Variants in HTRA1 observed in about 807,000 individuals in gnomAD.
HTRA1 encodes the protein HtrA serine peptidase 1, also known as serine protease HTRA1.
In HTRA1, 26 loss-of-function variants were observed where a neutral mutation model predicts 49.7. That is an observed-to-expected ratio of 0.52 (90% CI 0.38 to 0.73). HTRA1 has a LOEUF of 0.73. Ranked by LOEUF, HTRA1 falls within the 30% of genes least tolerant of loss-of-function variation. HTRA1 has a pLI of 0.00. For missense variants in HTRA1, 561 were observed against 667.2 expected (o/e 0.84, Z 1.75); for synonymous variants, 291 against 286.9 (o/e 1.01, Z -0.14).
chr10:122,476,494 G>C (rs755902238), intron 1 of HTRA1, among the ~76,000 whole-genome samples: 1 of 152,250 alleles, frequency 6.6e-6, no homozygotes, highest in African/African-American at 2.4e-5. Flanking sequence ...GTCCAGAGGG[G>C]TGGAGCCCAC....
intron 1 of HTRA1, among the ~76,000 whole-genome samples, chr10:122,488,501 G>T (rs2133438006): frequency 6.6e-6 from 1 of 152,286 alleles, no homozygotes; most frequent in Admixed American, 6.5e-5. Flanking sequence ...GGTGGAGGTT[G>T]TGATGAGCCA....
chr10:122,514,137 C>G, intron 8 of HTRA1, 54 bp from the exon 9 acceptor site: 1 of 1,557,238 alleles, frequency 6.4e-7, no homozygotes, highest in Non-Finnish European at 8.9e-7. Flanking sequence ...TAAAGTCAGA[C>G]CAGGAGGAAT....
rs1417963872 is a variant in HTRA1 at position 122,507,350 on chromosome 10, T to A, written c.973-20T>A. The stretch of plus-strand genomic sequence containing the variant: ...TGTTATGACACGATTTGTAACCTTT[T>A]CATTTCTGTTTAATTGCAGTATGGA... On this transcript the variant is annotated intron_variant, in intron 4 of 8. Coordinates refer to ENST00000368984, the MANE Select transcript of HTRA1 (RefSeq NM_002775.5). 6 of 1,607,474 alleles carry A rather than the reference T, an allele frequency of 3.7e-6. No homozygotes were observed. Among genetic ancestry groups the A allele is most frequent in the Non-Finnish European group, 5.1e-6 (6 of 1,173,878 alleles).
chr10:122,479,067 T>C (rs1172172241), intron 1 of HTRA1, among the ~76,000 whole-genome samples: 1 of 152,254 alleles, frequency 6.6e-6, no homozygotes, highest in African/African-American at 2.4e-5. Context: ...CTGTTTCCTG[T>C]GAATAAAGGA....
At chr10:122,476,704 G>C (rs1015165939) in intron 1 of HTRA1, among the ~76,000 whole-genome samples, 12 of 132,142 alleles carry the variant, frequency 9.1e-5, no homozygotes, top group Non-Finnish European at 1.4e-4. Context: ...AAATGCAGGT[G>C]GGGGGGCCTT....
chr10:122,493,778 C>T (rs760631009), intron 3 of HTRA1, among the ~76,000 whole-genome samples: 5 of 152,084 alleles, frequency 3.3e-5, no homozygotes, highest in Non-Finnish European at 7.4e-5. Context: ...AACTCCTTAC[C>T]AGGACCTTGA....
intron 1 of HTRA1, among the ~76,000 whole-genome samples, chr10:122,484,481 G>A (rs2097492290): frequency 6.6e-6 from 1 of 152,206 alleles, no homozygotes; most frequent in South Asian, 2.1e-4. Flanking sequence ...AGGTGGCTGA[G>A]TGGGTCTCCA....
chr10:122,463,528 G>A (rs2097482509), intron 1 of HTRA1, among the ~76,000 whole-genome samples: 2 of 152,010 alleles, frequency 1.3e-5, no homozygotes, highest in African/African-American at 2.4e-5. Context: ...TAAGAGACAG[G>A]GTCTCCCTCT....
At position 122,461,831 on chromosome 10, in the gene HTRA1, A is replaced by T; in HGVS notation, c.179A>T (p.Asp60Val). Residue 60 changes from aspartate (D) to valine (V), a missense_variant, in exon 1 of 9, where the codon GAC becomes GTC. Physicochemically the swap from Asp to Val is radical, Grantham distance 152 (BLOSUM62 -3). Around this residue, in one of 3 missense-constraint regions of HTRA1, gnomAD observed 111 missense variants for 83.7 expected, o/e 1.33. Transcript: ENST00000368984. ...PEHCEGGRARDACGCCEVCGA... is the reference protein window; with the variant it reads ...PEHCEGGRARVACGCCEVCGA... Reference sequence around the variant, plus strand: ...CACTGCGAGGGCGGCCGGGCCCGGGACGCGTGCGGCTGCTGCGAGGTGTGC... The same window carrying T: ...CACTGCGAGGGCGGCCGGGCCCGGGTCGCGTGCGGCTGCTGCGAGGTGTGC... The T allele has an allele frequency of 8.9e-7, 1 of 1,121,590 alleles. No homozygotes were observed. The highest frequency in any genetic ancestry group is 1.1e-6 in the Non-Finnish European group (1 of 920,450). The allele number at this position is 1,121,590 out of a possible 1,614,324, so 69.5% of individuals were successfully genotyped here. A position where few individuals can be genotyped will look rare whatever the true frequency, so the allele number is the denominator to read the frequency against.
chr10:122,465,372 G>A (rs1165638172), intron 1 of HTRA1, among the ~76,000 whole-genome samples: 4 of 152,148 alleles, frequency 2.6e-5, no homozygotes, highest in South Asian at 2.1e-4. Flanking sequence ...ATTCTATGCC[G>A]GGTGCATACT....
At chr10:122,499,258 G>A (rs559261974) in intron 3 of HTRA1, among the ~76,000 whole-genome samples, 5 of 152,264 alleles carry the variant, frequency 3.3e-5, no homozygotes, top group African/African-American at 1.2e-4. Flanking sequence ...CCAGGGGCTG[G>A]TGGGCACAAT....
In HTRA1 at chr10:122,461,837, G is replaced by C. The variant is rs1416881610; in HGVS notation, c.185G>C (p.Cys62Ser). 2 of 1,139,928 alleles carry C rather than the reference G, an allele frequency of 1.8e-6. No homozygotes were observed. The highest frequency in any genetic ancestry group is 4.9e-5 in the Admixed American group (1 of 20,318). 70.6% of individuals were successfully genotyped at this position (1,139,928 alleles called of 1,614,324 possible). Residue 62 changes from cysteine to serine, a missense_variant, in exon 1 of 9, where the codon TGC becomes TCC. Cys to Ser is a moderately radical substitution (Grantham distance 112, BLOSUM62 -1). Transcript: ENST00000368984. ...HCEGGRARDACGCCEVCGAPE... is the reference protein window; with the variant it reads ...HCEGGRARDASGCCEVCGAPE... ...GAGGGCGGCCGGGCCCGGGACGCGTGCGGCTGCTGCGAGGTGTGCGGCGCG... is the reference window on the plus strand; with the variant it reads ...GAGGGCGGCCGGGCCCGGGACGCGTCCGGCTGCTGCGAGGTGTGCGGCGCG...
At chr10:122,465,062 G>C (rs1157526925) in intron 1 of HTRA1, among the ~76,000 whole-genome samples, 2 of 152,106 alleles carry the variant, frequency 1.3e-5, no homozygotes, top group Non-Finnish European at 2.9e-5. Flanking sequence ...TAGCACTTTG[G>C]GTCACAGTAG....
chr10:122,479,429 TG>T (rs1259946075), intron 1 of HTRA1, among the ~76,000 whole-genome samples: 23 of 152,218 alleles, frequency 1.5e-4, no homozygotes, highest in Non-Finnish European at 3.4e-4. Flanking sequence ...TGTAGACTGG[TG>T]ATGAGATGCA....
rs778011757 is a variant in HTRA1, at chr10:122,507,363, A to T, written c.973-7A>T. On this transcript the variant is annotated splice_polypyrimidine_tract_variant and splice_region_variant and intron_variant, in intron 4 of 8. Coordinates refer to ENST00000368984, the MANE Select transcript of HTRA1 (RefSeq NM_002775.5). The stretch of plus-strand genomic sequence containing the variant: ...TTTGTAACCTTTTCATTTCTGTTTA[A>T]TTGCAGTATGGAAACTCGGGAGGCC... 31 of 1,609,830 alleles carry T rather than the reference A, an allele frequency of 1.9e-5. No individual in the cohort carries two copies. The Admixed American group carries it at 4.7e-4, about 24-fold the overall frequency.
intron 1 of HTRA1, among the ~76,000 whole-genome samples, chr10:122,473,264 T>A (rs1160883874): frequency 1.3e-5 from 2 of 152,108 alleles, no homozygotes; most frequent in African/African-American, 2.4e-5. Context: ...CACTCGTGTC[T>A]CAGGCGAGCA....
intron 3 of HTRA1, among the ~76,000 whole-genome samples, chr10:122,498,497 C>G (rs1423458953): frequency 6.6e-6 from 1 of 152,234 alleles, no homozygotes. Context: ...AAGCTTCTCA[C>G]TCTTGGTCCA....
At position 122,483,614 on chromosome 10, in the gene HTRA1, ACTC is replaced by A. The variant is rs1423267994; in HGVS notation, c.473-5285_473-5283del. Among the ~76,000 whole-genome samples, 3 of 152,132 alleles carry A rather than the reference ACTC, an allele frequency of 2.0e-5. No individual in the cohort carries two copies. In the East Asian group the frequency reaches 5.8e-4, roughly 29 times the overall value. On this transcript the variant is annotated intron_variant, in intron 1 of 8. Transcript: ENST00000368984. The stretch of plus-strand genomic sequence containing the variant: ...AAATAGTTTGTGAATTTCTACAAAA[ACTC>A]CTGCTCAGAATTTTCACTGAGAGTA...
intron 3 of HTRA1, among the ~76,000 whole-genome samples, chr10:122,504,395 G>T (rs752816355): frequency 3.3e-5 from 5 of 152,180 alleles, no homozygotes; most frequent in Non-Finnish European, 7.3e-5. Flanking sequence ...AGTGAGATGT[G>T]AATTAGGATC....
Sources: allele counts gnomAD v4.1 joint callset (sites outside exome capture counted in the v4.1 genomes callset), GRCh38; gene constraint gnomAD v4.1.1; regional missense constraint gnomAD v4.1.1; transcripts MANE v1.5; gene names NCBI Gene and HGNC (gene_info 2026-07-23, HGNC 2026-07-21).